Variants in MAP3K20 observed in about 807,000 individuals in gnomAD.
MAP3K20 encodes the protein HCCS-4.
Under a neutral mutation model 85.7 loss-of-function variants are expected in MAP3K20, and 40 were observed. The observed-to-expected ratio is 0.47, with a 90% CI of 0.36 to 0.61. The LOEUF is 0.61. MAP3K20 is among the 20% of genes least tolerant of loss of function. MAP3K20 has a pLI of 0.00. For missense variants in MAP3K20, 817 were observed against 961.7 expected (o/e 0.85, Z 1.99); for synonymous variants, 325 against 327.7 (o/e 0.99, Z 0.09).
intron 10 of MAP3K20, 155 bp downstream of exon 10, chr2:173,209,990 A>G (rs1202903696): frequency 9.1e-6 from 6 of 660,364 alleles, no homozygotes; most frequent in East Asian, 2.7e-5. Context: ...TGGAACTCTT[A>G]TAAGTCCTGC....
intron 8 of MAP3K20, among the ~76,000 whole-genome samples, chr2:173,199,551 T>C (rs1690965975): frequency 6.6e-6 from 1 of 152,174 alleles, no homozygotes; most frequent in Admixed American, 6.5e-5. Context: ...TTGTTCTGGG[T>C]TTACAAATGA....
chr2:173,131,996 T>C (rs1035411899), intron 2 of MAP3K20, among the ~76,000 whole-genome samples: 15 of 152,208 alleles, frequency 9.9e-5, no homozygotes, highest in African/African-American at 2.9e-4. Context: ...AAAAACAAGG[T>C]CCCTGGAATG....
In MAP3K20 at chr2:173,209,964, G is replaced by T. The variant is rs567197432; in HGVS notation, c.851+129G>T. ...ACCATAGCTTAGGGAAAAAGAAAAG[G>T]TTTTTTTTATGATTTTGGAACTCTT... is the stretch of plus-strand genomic sequence containing the variant. On this transcript the variant is annotated intron_variant, in intron 10 of 19. Transcript: ENST00000375213. The T allele has an allele frequency of 3.4e-4, 286 of 840,838 alleles. 2 individuals carry two copies. In the African/African-American group the frequency reaches 4.2e-3, roughly 12 times the overall value. The allele number at this position is 840,838 out of a possible 1,614,324, so 52.1% of individuals were successfully genotyped here.
At chr2:173,238,711 T>C (rs1222702176) in intron 15 of MAP3K20, among the ~76,000 whole-genome samples, 1 of 152,218 alleles carries the variant, frequency 6.6e-6, no homozygotes, top group Non-Finnish European at 1.5e-5. Context: ...GGTGAGGTCC[T>C]GTGGCCTCCC....
rs557402424 is a variant in MAP3K20, at chr2:173,192,252, G to A, written c.582+1075G>A. Among the ~76,000 whole-genome samples, 77 of 152,208 alleles carry A rather than the reference G, an allele frequency of 5.1e-4. 1 individual carries two copies. The highest frequency in any genetic ancestry group is 1.7e-3 in the African/African-American group (70 of 41,522). On this transcript the variant is annotated intron_variant, in intron 7 of 19. Transcript: ENST00000375213. ...GCCAATGACACAAGAGGAGATTCAC[G>A]TTGTCAGACCTGTTTTGTTTTGTTT...
intron 16 of MAP3K20, among the ~76,000 whole-genome samples, chr2:173,248,391 A>G (rs1462095279): frequency 6.6e-6 from 1 of 152,256 alleles, no homozygotes; most frequent in Non-Finnish European, 1.5e-5. Context: ...TTCATATATC[A>G]GTCATATCTC....
chr2:173,207,973 A>G (rs1683745791), intron 9 of MAP3K20, among the ~76,000 whole-genome samples: 3 of 152,252 alleles, frequency 2.0e-5, no homozygotes, highest in Admixed American at 2.0e-4. Flanking sequence ...CAATTACAGA[A>G]GAGTTTCACC....
rs539084574 is a variant in MAP3K20 at position 173,167,117 on chromosome 2, A to G, written c.160-2688A>G. Among the ~76,000 whole-genome samples the G allele has an allele frequency of 4.6e-5, 7 of 151,688 alleles. No individual in the cohort carries two copies. In the East Asian group the frequency reaches 1.2e-3, roughly 25 times the overall value. ...TTTTTAGTAGAGACGGGGTTTCACC[A>G]TATTAGCCAGGATGGTCTCGACCTC... is the stretch of plus-strand genomic sequence containing the variant. On this transcript the variant is annotated intron_variant, in intron 2 of 19. Coordinates refer to ENST00000375213, the MANE Select transcript of MAP3K20 (RefSeq NM_016653.3).
At chr2:173,210,107 T>C in intron 10 of MAP3K20, 1 of 361,740 alleles carries the variant, frequency 2.8e-6, no homozygotes, top group Non-Finnish European at 5.2e-6. Context: ...ATCCCAGCTC[T>C]TTGGGAGGCC....
rs908999327 is a variant in MAP3K20 at position 173,217,112 on chromosome 2, C to T, written c.852-3C>T. ...GAGACTTACACCAGCTATCCCCGTG[C>T]AGGTGCGAAATTGAGGCAACTCTTG... On this transcript the variant is annotated splice_region_variant and splice_polypyrimidine_tract_variant and intron_variant, in intron 10 of 19. Coordinates refer to ENST00000375213, the MANE Select transcript of MAP3K20 (RefSeq NM_016653.3). The T allele has an allele frequency of 2.6e-6, 4 of 1,549,650 alleles. No homozygotes were observed. The highest frequency in any genetic ancestry group is 3.5e-6 in the Non-Finnish European group (4 of 1,146,826).
intron 7 of MAP3K20, among the ~76,000 whole-genome samples, chr2:173,193,208 T>C (rs1690716932): frequency 1.3e-5 from 2 of 152,214 alleles, no homozygotes. Context: ...GTTAGGTATA[T>C]ATGTATGTTG....
chr2:173,197,947 A>G (rs914499013), intron 7 of MAP3K20, 79 bp from the exon 8 acceptor site: 6 of 1,277,690 alleles, frequency 4.7e-6, no homozygotes, highest in African/African-American at 4.5e-5. Context: ...ATACAATTAC[A>G]TGTTAGATAA....
chr2:173,110,222 TATATATATATATATA>T (rs1559235045), intron 2 of MAP3K20, among the ~76,000 whole-genome samples: 13 of 8,516 alleles, frequency 1.5e-3, no homozygotes, highest in Non-Finnish European at 3.3e-3. Context: ...TATATATATA[TATATATATATATATA>T]TATATTTTTT....
intron 11 of MAP3K20, among the ~76,000 whole-genome samples, chr2:173,219,550 T>TAACA (rs1684173184): frequency 6.6e-6 from 1 of 152,206 alleles, no homozygotes. Context: ...TGAGACTATC[T>TAACA]AACAATTGAA....
chr2:173,102,383 A>G (rs1687661284), intron 2 of MAP3K20, among the ~76,000 whole-genome samples: 1 of 152,180 alleles, frequency 6.6e-6, no homozygotes, highest in Admixed American at 6.5e-5. Context: ...TAGCAGCTAG[A>G]AAGGATGTTT....
chr2:173,164,399 G>C (rs1366117758), intron 2 of MAP3K20, among the ~76,000 whole-genome samples: 1 of 152,052 alleles, frequency 6.6e-6, no homozygotes, highest in African/African-American at 2.4e-5. Flanking sequence ...CTTTTTAATG[G>C]GGTTGTTTTT....
At chr2:173,094,539 AC>A (rs1687404513) in intron 2 of MAP3K20, among the ~76,000 whole-genome samples, 1 of 152,204 alleles carries the variant, frequency 6.6e-6, no homozygotes, top group Non-Finnish European at 1.5e-5. Context: ...CATATAATCG[AC>A]ATGTCTGTTT....
intron 1 of MAP3K20, among the ~76,000 whole-genome samples, chr2:173,083,017 G>A (rs977728033): frequency 6.6e-6 from 1 of 152,206 alleles, no homozygotes; most frequent in Non-Finnish European, 1.5e-5. Context: ...CAATAAGAAT[G>A]CCTCACTACT....
In MAP3K20 at chr2:173,157,288, A is replaced by T. The variant is rs374883737; in HGVS notation, c.160-12517A>T. On this transcript the variant is annotated intron_variant, in intron 2 of 19. Transcript: ENST00000375213. ...CATTCTTAATATTCTATGATTCCAG[A>T]TTATCTTTACTATGTATTAGTTAGG... 7.3e-5 allele frequency among the ~76,000 whole-genome samples: 11 copies of T among 149,936 alleles called. No homozygotes were observed. In the East Asian group the frequency reaches 1.6e-3, roughly 21 times the overall value.
Sources: gnomAD v4.1 joint callset for allele counts (sites outside exome capture counted in the v4.1 genomes callset) on GRCh38, gnomAD v4.1.1 for gene constraint, MANE v1.5 for transcripts, NCBI Gene and HGNC (gene_info 2026-07-23, HGNC 2026-07-21) for gene names.